BLOC1S3: variants seen among roughly 807,000 people sequenced by gnomAD.
BLOC1S3 encodes biogenesis of lysosome-related organelles complex 1 subunit 3.
A neutral mutation model predicts 9.1 loss-of-function variants in BLOC1S3; 7 were observed. That is an observed-to-expected ratio of 0.77 (90% CI 0.44 to 1.45). The LOEUF (loss-of-function observed/expected upper bound fraction) is 1.45. Among genes scored for constraint, BLOC1S3 ranks in the 40% most tolerant of loss-of-function variants. The probability of loss-of-function intolerance (pLI) is 0.01; values close to 1 mark genes in which losing one functional copy is unlikely to be tolerated. For missense variants in BLOC1S3, 307 were observed against 315.2 expected (o/e 0.97, Z 0.20); for synonymous variants, 145 against 158.4 (o/e 0.92, Z 0.64).
In BLOC1S3 at chr19:45,179,928, G is replaced by C; in HGVS notation, c.*23G>C. Reference sequence around the variant, plus strand: ...TAGCCATGATTCTACTTCCCAACCTGACTGCAATTTGGGGGTAGGCCTTGC... The same window carrying C: ...TAGCCATGATTCTACTTCCCAACCTCACTGCAATTTGGGGGTAGGCCTTGC... On this transcript the variant is annotated 3_prime_UTR_variant, in exon 2 of 2. Transcript: ENST00000433642. The surrounding 1 kb of genome is among the most constrained non-coding windows in gnomAD (Gnocchi z 4.6). 6.2e-7 allele frequency: 1 copy of C among 1,602,406 alleles called. No individual in the cohort carries two copies. The highest frequency in any genetic ancestry group is 8.5e-7 in the Non-Finnish European group (1 of 1,174,684).
At chr19:45,216,129 G>A (rs1384863312) in intron 3 of BLOC1S3, 2 of 1,614,034 alleles carry the variant, frequency 1.2e-6, no homozygotes, top group South Asian at 1.1e-5. Flanking sequence ...TGCTGGGCGT[G>A]TCTTCCAGCT....
At chr19:45,192,872 G>A (rs1371282608) in intron 2 of BLOC1S3, among the ~76,000 whole-genome samples, 5 of 152,044 alleles carry the variant, frequency 3.3e-5, no homozygotes, top group South Asian at 2.1e-4. Context: ...GGTGGCTCAC[G>A]CCTGTAATCC....
At chr19:45,211,613 T>C (rs1415939842) in intron 3 of BLOC1S3, among the ~76,000 whole-genome samples, 2 of 151,086 alleles carry the variant, frequency 1.3e-5, no homozygotes, top group East Asian at 3.9e-4. Context: ...GTTTAAGCAA[T>C]TCCCCCAGAA....
At chr19:45,192,756 C>A (rs552542774) in intron 2 of BLOC1S3, among the ~76,000 whole-genome samples, 4 of 152,100 alleles carry the variant, frequency 2.6e-5, no homozygotes, top group African/African-American at 7.2e-5. Context: ...CTGCTTGGTG[C>A]GCTATCCTAC....
At position 45,213,091 on chromosome 19, in the gene BLOC1S3, G is replaced by A. The variant is rs565113604; in HGVS notation, n.283-3585G>A. The A allele has an allele frequency of 9.2e-6, 14 of 1,518,700 alleles. No homozygotes were observed. The Admixed American group carries it at 9.6e-5, about 10-fold the overall frequency. 94.1% of individuals were successfully genotyped at this position (1,518,700 alleles called of 1,614,324 possible). ...CCCTCAGCGCTGGGCCCGAGGTCGC[G>A]CTAGAGACGGAGGCCGGGGCCGAGG... On this transcript the variant is annotated intron_variant and non_coding_transcript_variant, in intron 3 of 3. Transcript: ENST00000591569.
At position 45,179,282 on chromosome 19, in the gene BLOC1S3, C is replaced by T. The variant is rs371257240; in HGVS notation, c.-9-6C>T. 57 of 1,572,984 alleles carry T rather than the reference C, an allele frequency of 3.6e-5. No homozygotes were observed. Among genetic ancestry groups the T allele is most frequent in the Middle Eastern group, 3.4e-4 (2 of 5,970 alleles). ...CACGTGCAGTCCCTTCGCTCTTCTC[C>T]CCTAGTTCGGTGCCATGGCGTCCCA... is the stretch of plus-strand genomic sequence containing the variant. On this transcript the variant is annotated splice_polypyrimidine_tract_variant and splice_region_variant and intron_variant, in intron 1 of 1. Transcript: ENST00000433642. The surrounding 1 kb of genome is among the most constrained non-coding windows in gnomAD (Gnocchi z 4.6).
In BLOC1S3 at chr19:45,179,941, G is replaced by C; in HGVS notation, c.*36G>C. ...ACTTCCCAACCTGACTGCAATTTGG[G>C]GGTAGGCCTTGCTGCCTCTGGGACC... On this transcript the variant is annotated 3_prime_UTR_variant, in exon 2 of 2. Transcript: ENST00000433642. The surrounding 1 kb of genome is among the most constrained non-coding windows in gnomAD (Gnocchi z 4.6). The C allele has an allele frequency of 6.3e-7, 1 of 1,595,884 alleles. No individual in the cohort carries two copies. The highest frequency in any genetic ancestry group is 8.5e-7 in the Non-Finnish European group (1 of 1,171,580).
chr19:45,179,601 C>T lies in BLOC1S3; in HGVS notation c.305C>T (p.Pro102Leu). The stretch of plus-strand genomic sequence containing the variant: ...TGGGGCACGGAGGAGGCCCCGGCGC[C>T]CGCCCCCGCGCGCTCGCTCCTGCAA... ...EAWGTEEAPA[P>L]APARSLLQLR... The change falls in exon 2 of 2, where the codon CCC (proline) becomes CTC (leucine). Residue 102 changes from proline to leucine, a missense_variant. Physicochemically the swap from Pro to Leu is moderately conservative, Grantham distance 98. Transcript: ENST00000433642. This position sits in a 1 kb window ranked among gnomAD's most constrained non-coding sequence, Gnocchi z 4.6. The T allele has an allele frequency of 6.8e-7, 1 of 1,475,332 alleles. No individual in the cohort carries two copies. Among genetic ancestry groups the T allele is most frequent in the Non-Finnish European group, 8.9e-7 (1 of 1,119,870 alleles). The allele number at this position is 1,475,332 out of a possible 1,614,324, so 91.4% of individuals were successfully genotyped here.
intron 3 of BLOC1S3, among the ~76,000 whole-genome samples, chr19:45,212,409 G>A (rs1969783135): frequency 6.6e-6 from 1 of 152,140 alleles, no homozygotes; most frequent in African/African-American, 2.4e-5. Flanking sequence ...AGTATCGAAC[G>A]TTCCTTAATA....
At chr19:45,216,127 G>A (rs775521544) in intron 3 of BLOC1S3, 10 of 1,613,958 alleles carry the variant, frequency 6.2e-6, no homozygotes, top group Non-Finnish European at 7.6e-6. Flanking sequence ...GATGCTGGGC[G>A]TGTCTTCCAG....
At chr19:45,208,211 A>G (rs1216394054) in intron 3 of BLOC1S3, among the ~76,000 whole-genome samples, 1 of 151,430 alleles carries the variant, frequency 6.6e-6, no homozygotes, top group African/African-American at 2.4e-5. Context: ...TGATCTCGTG[A>G]TCTGCCCTCC....
At chr19:45,216,896 C>G (rs965312252) in exon 4 of BLOC1S3, 2 of 151,102 alleles carry the variant, frequency 1.3e-5, no homozygotes, top group Non-Finnish European at 3.0e-5. Context: ...CTGAATGAGG[C>G]CCTTCCAGCC....
At chr19:45,189,038 G>A (rs555424099) in intron 2 of BLOC1S3, among the ~76,000 whole-genome samples, 1 of 152,150 alleles carries the variant, frequency 6.6e-6, no homozygotes, top group South Asian at 2.1e-4. Flanking sequence ...TCAAACTCCT[G>A]ACCTCAGGTG....
chr19:45,195,746 C>CGT (rs1320677860), intron 2 of BLOC1S3, among the ~76,000 whole-genome samples: 1 of 152,122 alleles, frequency 6.6e-6, no homozygotes, highest in Non-Finnish European at 1.5e-5. Context: ...AGGTGTGCAC[C>CGT]ACCACGCTTG....
intron 3 of BLOC1S3, chr19:45,216,665 TCTC>T (rs1226156081): frequency 1.3e-5 from 2 of 152,994 alleles, no homozygotes; most frequent in African/African-American, 2.4e-5. Flanking sequence ...CATAATATAA[TCTC>T]CTCCCAGTTT....
intron 3 of BLOC1S3, chr19:45,213,478 T>A: frequency 8.4e-7 from 1 of 1,187,610 alleles, no homozygotes; most frequent in Non-Finnish European, 1.2e-6. Context: ...TTCTGGGGCC[T>A]CTGTGTCCCC....
intron 3 of BLOC1S3, among the ~76,000 whole-genome samples, chr19:45,206,044 C>G (rs1969723126): frequency 6.6e-6 from 1 of 152,108 alleles, no homozygotes; most frequent in Non-Finnish European, 1.5e-5. Flanking sequence ...GAGATACCGT[C>G]TCTACAAACA....
At chr19:45,185,496 A>C (rs928766163), downstream of BLOC1S3, among the ~76,000 whole-genome samples, 3 of 152,108 alleles carry the variant, frequency 2.0e-5, no homozygotes, top group African/African-American at 7.2e-5. Flanking sequence ...TCAGACATGC[A>C]CCAAAATGCT....
At chr19:45,186,314 G>A (rs1047559151), downstream of BLOC1S3, among the ~76,000 whole-genome samples, 1 of 152,106 alleles carries the variant, frequency 6.6e-6, no homozygotes, top group Non-Finnish European at 1.5e-5. Context: ...GAGAATAAAA[G>A]CCAAATCGTA....
Sources: gnomAD v4.1 joint callset for allele counts (sites outside exome capture counted in the v4.1 genomes callset) on GRCh38, gnomAD v4.1.1 for gene constraint, Gnocchi (gnomAD v3.1) non-coding constraint, MANE v1.5 for transcripts, NCBI Gene and HGNC (gene_info 2026-07-23, HGNC 2026-07-21) for gene names.